Variants in ROS1 observed in about 807,000 individuals in gnomAD.
The protein encoded by ROS1 is ROS proto-oncogene 1, receptor tyrosine kinase.
ROS1 carries 263 observed loss-of-function variants against 273.5 expected under a neutral mutation model. The ratio of observed to expected loss-of-function variants is 0.96; its 90% CI spans 0.87 to 1.06. The LOEUF (loss-of-function observed/expected upper bound fraction) is 1.06, where lower values mean the gene tolerates loss of function less well. Ranked by LOEUF, ROS1 falls within the 50% of genes least tolerant of loss-of-function variation. ROS1 has a pLI of 0.00. For synonymous variants in ROS1, 1,008 were observed against 954.1 expected (o/e 1.06, Z -1.04); for missense variants, 2,833 against 2,751.1 (o/e 1.03, Z -0.67).
rs1046794283 is a variant in ROS1, at chr6:117,344,154, C to T, written c.4412G>A (p.Trp1471Ter). 1 of 1,613,870 alleles carries T rather than the reference C, an allele frequency of 6.2e-7. No individual in the cohort carries two copies. Among genetic ancestry groups the T allele is most frequent in the Non-Finnish European group, 8.5e-7 (1 of 1,179,872 alleles). Residue 1471 changes from tryptophan (W) to a stop codon, truncating the protein, a stop_gained, in exon 28 of 44, where the codon TGG becomes TAG. Coordinates refer to ENST00000368507, the MANE Select transcript of ROS1 (RefSeq NM_001378902.1). LOFTEE classifies it high-confidence loss of function. The part of the protein sequence containing the change: ...RLPLAKTNLT[W>*]YGITSPTPTY... ...TGGAGTAGGGCTGGTGATGCCATACCATGTGAGGTTTGTCTTGGCCAGAGG... is the reference window on the plus strand; with the variant it reads ...TGGAGTAGGGCTGGTGATGCCATACTATGTGAGGTTTGTCTTGGCCAGAGG...
intron 43 of ROS1, among the ~76,000 whole-genome samples, chr6:117,298,430 A>G (rs1256682117): frequency 6.6e-6 from 1 of 152,216 alleles, no homozygotes; most frequent in East Asian, 1.9e-4. Context: ...ATATGTCTAT[A>G]TTCAATTCAA....
chr6:117,306,091 T>G (rs2128542975), intron 42 of ROS1, among the ~76,000 whole-genome samples: 1 of 149,212 alleles, frequency 6.7e-6, no homozygotes, highest in Non-Finnish European at 1.5e-5. Context: ...AATGTTAGCC[T>G]CTATGCATAT....
At position 117,396,985 on chromosome 6, in the gene ROS1, G is replaced by A. The variant is rs747794595; in HGVS notation, c.736C>T (p.Gln246Ter). Residue 246 changes from glutamine (Q) to a stop codon, truncating the protein, a stop_gained, in exon 8 of 44, where the codon CAA becomes TAA. Coordinates refer to ENST00000368507, the MANE Select transcript of ROS1 (RefSeq NM_001378902.1). LOFTEE classifies it high-confidence loss of function. ...GYNLRLISKN[Q>*]KLDAGTQRTS... is the part of the protein sequence containing the mutation. Reference sequence around the variant, plus strand: ...CTCTGTGTCCCTGCATCTAATTTTTGATTTTTGCTGATCAGCCTTAAGTTA... The same window carrying A: ...CTCTGTGTCCCTGCATCTAATTTTTAATTTTTGCTGATCAGCCTTAAGTTA... 1.2e-6 allele frequency: 2 copies of A among 1,613,912 alleles called. No homozygotes were observed. The highest frequency in any genetic ancestry group is 1.7e-6 in the Non-Finnish European group (2 of 1,179,980).
At chr6:117,406,150 C>T (rs7771437) in intron 5 of ROS1, among the ~76,000 whole-genome samples, 81,222 of 151,742 alleles carry the variant, frequency 0.54, 22,418 homozygotes, top group African/African-American at 0.67. Context: ...GTCTCTCTCT[C>T]TCTCTCTCTC....
chr6:117,300,979 A>G lies in ROS1; in HGVS notation c.6710T>C (p.Phe2237Ser). Residue 2237 changes from phenylalanine (F) to serine (S), a missense_variant, in exon 43 of 44, where the codon TTT becomes TCT. Phe to Ser is a radical substitution (Grantham distance 155, BLOSUM62 -2). Coordinates refer to ENST00000368507, the MANE Select transcript of ROS1 (RefSeq NM_001378902.1). ...ANNSGVINES[F>S]EGEDGDVICL... ...TTCTGAAGAATCAAACTTACCTTCAAAGCTTTCATTTATGACTCCACTGTT... is the reference window on the plus strand; with the variant it reads ...TTCTGAAGAATCAAACTTACCTTCAGAGCTTTCATTTATGACTCCACTGTT... The G allele has an allele frequency of 6.4e-7, 1 of 1,561,580 alleles. No individual in the cohort carries two copies. Among genetic ancestry groups the G allele is most frequent in the Non-Finnish European group, 8.6e-7 (1 of 1,159,142 alleles).
chr6:117,393,343 C>T (rs759619775), intron 11 of ROS1, 22 bp from the exon 12 acceptor site: 29 of 1,404,328 alleles, frequency 2.1e-5, no homozygotes, highest in East Asian at 6.8e-5. Flanking sequence ...AAAAATATAC[C>T]GGTAGGATTA....
intron 39 of ROS1, among the ~76,000 whole-genome samples, chr6:117,314,737 T>C (rs117170606): frequency 6.6e-6 from 1 of 152,262 alleles, no homozygotes; most frequent in East Asian, 1.9e-4. Context: ...AGGCATTTAC[T>C]GTCCAGAGGA....
At chr6:117,309,040 A>T (rs1365797418) in intron 41 of ROS1, 112 bp from the exon 42 acceptor site, 6 of 1,013,986 alleles carry the variant, frequency 5.9e-6, no homozygotes, top group Non-Finnish European at 7.1e-6. Context: ...TTGTCAGTGT[A>T]TTATTGGCCT....
intron 22 of ROS1, among the ~76,000 whole-genome samples, chr6:117,361,195 AT>A (rs143632057): frequency 0.25 from 37,171 of 151,516 alleles, 4,706 homozygotes; most frequent in Admixed American, 0.36. Context: ...AGTAAAGTTT[AT>A]TTTTTTTCTT....
At chr6:117,395,398 A>G (rs549182432) in intron 9 of ROS1, among the ~76,000 whole-genome samples, 1 of 152,170 alleles carries the variant, frequency 6.6e-6, no homozygotes, top group African/African-American at 2.4e-5. Context: ...GAGTCTAGGA[A>G]CAGCCAAAAA....
chr6:117,388,167 T>C, intron 13 of ROS1, 175 bp from the exon 14 acceptor site: 1 of 950,970 alleles, frequency 1.1e-6, no homozygotes, highest in Non-Finnish European at 1.6e-6. Context: ...AGGACAGTGT[T>C]CATTCCTCAT....
intron 5 of ROS1, among the ~76,000 whole-genome samples, chr6:117,406,074 G>A (rs866984716): frequency 1.3e-5 from 2 of 152,116 alleles, no homozygotes; most frequent in Non-Finnish European, 2.9e-5. Flanking sequence ...GAACTCAGGC[G>A]TTTGAGGTTA....
At chr6:117,349,900 G>A (rs1163787489) in intron 27 of ROS1, among the ~76,000 whole-genome samples, 3 of 151,862 alleles carry the variant, frequency 2.0e-5, no homozygotes, top group Non-Finnish European at 4.4e-5. Context: ...TTGTGTCACT[G>A]CTGTGATTCA....
At chr6:117,370,222 C>G (rs1780658450) in intron 18 of ROS1, among the ~76,000 whole-genome samples, 1 of 152,038 alleles carries the variant, frequency 6.6e-6, no homozygotes, top group East Asian at 1.9e-4. Flanking sequence ...CTTTAGGAGA[C>G]TTTTTTGGAA....
intron 18 of ROS1, among the ~76,000 whole-genome samples, chr6:117,374,772 A>C (rs1273016421): frequency 6.6e-6 from 1 of 152,244 alleles, no homozygotes; most frequent in African/African-American, 2.4e-5. Context: ...ACACAAATCA[A>C]CAAGAAAAAA....
chr6:117,388,156 T>G (rs1255671662), intron 13 of ROS1, 164 bp from the exon 14 acceptor site: 8 of 1,075,014 alleles, frequency 7.4e-6, no homozygotes, highest in Non-Finnish European at 1.1e-5. Flanking sequence ...TTGATGAGGC[T>G]AGGACAGTGT....
In ROS1 at chr6:117,345,938, C is replaced by G. The variant is rs61665931; in HGVS notation, c.4304-1676G>C. On this transcript the variant is annotated intron_variant, in intron 27 of 43. Transcript: ENST00000368507. ...TTAAAATTAGAAGTACATCGAAAATCTCCAACAACAGTGTCAAGGGCACTG... is the reference window on the plus strand; with the variant it reads ...TTAAAATTAGAAGTACATCGAAAATGTCCAACAACAGTGTCAAGGGCACTG... Among the ~76,000 whole-genome samples, 672 of 152,200 alleles carry G rather than the reference C, an allele frequency of 4.4e-3. 5 individuals are homozygous for G. The highest frequency in any genetic ancestry group is 0.015 in the African/African-American group (607 of 41,518).
In ROS1 at chr6:117,311,097, G is replaced by A. The variant is rs751532443; in HGVS notation, c.6138C>T (p.Thr2046=). 1 of 1,607,010 alleles carries A rather than the reference G, an allele frequency of 6.2e-7. No individual in the cohort carries two copies. Residue 2046 remains threonine, a synonymous_variant, in exon 40 of 44, where the codon ACC becomes ACT. Coordinates refer to ENST00000368507, the MANE Select transcript of ROS1 (RefSeq NM_001378902.1). Reference sequence around the variant, plus strand: ...CACACAGGTCTACAAGGTCAACCAAGGTGAGTAAAGGACCATAAAACTGTA... The same window carrying A: ...CACACAGGTCTACAAGGTCAACCAAAGTGAGTAAAGGACCATAAAACTGTA... The part of the protein sequence containing the change: ...RMATFYGPLL[T]LVDLVDLCVD...
intron 32 of ROS1, among the ~76,000 whole-genome samples, chr6:117,331,663 C>T (rs1038184894): frequency 5.9e-5 from 9 of 152,152 alleles, no homozygotes; most frequent in African/African-American, 2.2e-4. Flanking sequence ...ACCCTACAAA[C>T]CAGAAGAGAT....
Sources: allele counts gnomAD v4.1 joint callset (sites outside exome capture counted in the v4.1 genomes callset), GRCh38; gene constraint gnomAD v4.1.1; transcripts MANE v1.5; gene names NCBI Gene and HGNC (gene_info 2026-07-23, HGNC 2026-07-21).